The following RRH variants were observed in gnomAD, a reference collection of about 807,000 sequenced individuals.
RRH encodes the protein retinal pigment epithelium-derived rhodopsin homolog, also known as visual pigment-like receptor peropsin.
In RRH, 36 loss-of-function variants were observed where a neutral mutation model predicts 33.1. The ratio of observed to expected loss-of-function variants is 1.09; its 90% CI spans 0.83 to 1.44. RRH has a LOEUF of 1.44. RRH is among the 40% of genes most tolerant of loss of function. RRH has a pLI of 0.00. For synonymous variants in RRH, 124 were observed against 140.2 expected (o/e 0.88, Z 0.82); for missense variants, 393 against 420.2 (o/e 0.94, Z 0.57).
intron 1 of RRH, among the ~76,000 whole-genome samples, chr4:109,832,493 G>A (rs1352257045): frequency 1.9e-5 from 1 of 51,400 alleles, no homozygotes; most frequent in East Asian, 5.7e-4. Context: ...TTCTATTGGG[G>A]TAGTGTGTGT....
In RRH at chr4:109,833,273, A is replaced by G. The variant is rs746116634; in HGVS notation, c.241A>G (p.Met81Val). 2 of 1,614,118 alleles carry G rather than the reference A, an allele frequency of 1.2e-6. No homozygotes were observed. Among genetic ancestry groups the G allele is most frequent in the Non-Finnish European group, 8.5e-7 (1 of 1,179,982 alleles). Residue 81 changes from methionine (M) to valine (V), a missense_variant, in exon 2 of 7, where the codon ATG becomes GTG. Coordinates refer to ENST00000317735, the MANE Select transcript of RRH (RefSeq NM_006583.5). The part of the protein sequence containing the change: ...DIGVSSIGYP[M>V]SAASDLYGSW... ...AGGGGTCAGTAGCATTGGCTATCCC[A>G]TGTCTGCTGCCTCAGATCTGTATGG...
At chr4:109,842,734 C>T (rs1734009043) in intron 6 of RRH, 87 bp downstream of exon 6, 4 of 1,196,820 alleles carry the variant, frequency 3.3e-6, no homozygotes, top group African/African-American at 1.5e-5. Flanking sequence ...GTGACAGAAA[C>T]CCACTTCAAT....
rs1393300691 is a variant in RRH, at chr4:109,844,327, C to T, written c.*130C>T. ...TATGAGAGTGTAAGCTCCTCAAGCA[C>T]AGCTCGTGCTTCTGTTTGTGCACTC... On this transcript the variant is annotated 3_prime_UTR_variant, in exon 7 of 7. Transcript: ENST00000317735. 1 of 655,892 alleles carries T rather than the reference C, an allele frequency of 1.5e-6. No individual in the cohort carries two copies. The highest frequency in any genetic ancestry group is 2.8e-6 in the Non-Finnish European group (1 of 361,288). The allele number at this position is 655,892 out of a possible 1,614,324, so 40.6% of individuals were successfully genotyped here. A position where few individuals can be genotyped will look rare whatever the true frequency, so the allele number is the denominator to read the frequency against.
intron 1 of RRH, among the ~76,000 whole-genome samples, chr4:109,829,303 T>C (rs1293977979): frequency 6.6e-6 from 1 of 152,008 alleles, no homozygotes; most frequent in Non-Finnish European, 1.5e-5. Context: ...TGATAAGTAC[T>C]AGACAAGTTC....
Position 109,840,427 on chromosome 4 carries a change from C to T in RRH, c.721-2042C>T, listed in dbSNP as rs1220847324. Among the ~76,000 whole-genome samples the T allele has an allele frequency of 2.0e-5, 3 of 152,072 alleles. No individual in the cohort carries two copies. The East Asian group carries it at 5.8e-4, about 29-fold the overall frequency. On this transcript the variant is annotated intron_variant, in intron 5 of 6. Transcript: ENST00000317735. The stretch of plus-strand genomic sequence containing the variant: ...TCCCATTCTGTCGGTTGTCTGTTTA[C>T]TCTGTTTATAGTTTCTTTTGCTGTG...
intron 1 of RRH, among the ~76,000 whole-genome samples, chr4:109,830,799 T>C (rs1411011675): frequency 6.6e-6 from 1 of 152,054 alleles, no homozygotes; most frequent in African/African-American, 2.4e-5. Flanking sequence ...TGCACATATT[T>C]AATAAGACAT....
At chr4:109,834,972 C>G (rs1364799878) in intron 2 of RRH, among the ~76,000 whole-genome samples, 1 of 152,110 alleles carries the variant, frequency 6.6e-6, no homozygotes, top group Non-Finnish European at 1.5e-5. Context: ...TATAAACATT[C>G]AAATGCTAAT....
Position 109,837,518 on chromosome 4 carries a change from T to G in RRH, c.633T>G (p.His211Gln). 6.2e-7 allele frequency: 1 copy of G among 1,613,412 alleles called. No individual in the cohort carries two copies. The highest frequency in any genetic ancestry group is 8.5e-7 in the Non-Finnish European group (1 of 1,179,302). ...PLTVMFYCYY[H>Q]VTLSIKHHTT... Reference sequence around the variant, plus strand: ...CAGTGATGTTTTACTGCTATTACCATGTCACGCTATCCATTAAACATCACA... The same window carrying G: ...CAGTGATGTTTTACTGCTATTACCAGGTCACGCTATCCATTAAACATCACA... The change falls in exon 5 of 7, where the codon CAT (histidine) becomes CAG (glutamine). Residue 211 changes from histidine (H) to glutamine (Q), a missense_variant. Coordinates refer to ENST00000317735, the MANE Select transcript of RRH (RefSeq NM_006583.5).
At position 109,834,028 on chromosome 4, in the gene RRH, A is replaced by G. The variant is rs966958440; in HGVS notation, c.297+699A>G. Reference sequence around the variant, plus strand: ...TACAGATAATGATGAAGGCCACCGCATGCCATCTTCAATCTTATTCCTCCC... The same window carrying G: ...TACAGATAATGATGAAGGCCACCGCGTGCCATCTTCAATCTTATTCCTCCC... On this transcript the variant is annotated intron_variant, in intron 2 of 6. Transcript: ENST00000317735. Among the ~76,000 whole-genome samples, 7 of 152,314 alleles carry G rather than the reference A, an allele frequency of 4.6e-5. No individual in the cohort carries two copies. In the South Asian group the frequency reaches 1.4e-3, roughly 32 times the overall value.
In RRH at chr4:109,833,185, T is replaced by C; in HGVS notation, c.153T>C (p.Ile51=). ...ACATAATAGTTCTGGGCATCTTCAT[T>C]AAGTACAAGGAACTTCGGACACCCA... ...ISNIIVLGIF[I]KYKELRTPTN... The change falls in exon 2 of 7, where the codon ATT becomes ATC. Residue 51 remains isoleucine (I), a synonymous_variant. Coordinates refer to ENST00000317735, the MANE Select transcript of RRH (RefSeq NM_006583.5). 6.2e-7 allele frequency: 1 copy of C among 1,613,996 alleles called. No homozygotes were observed. Among genetic ancestry groups the C allele is most frequent in the Non-Finnish European group, 8.5e-7 (1 of 1,179,858 alleles).
intron 5 of RRH, among the ~76,000 whole-genome samples, chr4:109,842,184 C>G (rs1443741749): frequency 6.6e-6 from 1 of 152,080 alleles, no homozygotes; most frequent in Non-Finnish European, 1.5e-5. Flanking sequence ...TCTCCCCTAG[C>G]ACGCAGAAAG....
rs142494696 is a variant in RRH at position 109,835,456 on chromosome 4, C to G, written c.388C>G (p.Pro130Ala). The G allele has an allele frequency of 1.2e-5, 20 of 1,612,014 alleles. No individual in the cohort carries two copies. The highest frequency in any genetic ancestry group is 1.7e-5 in the Non-Finnish European group (20 of 1,178,248). The part of the protein sequence containing the change: ...AVDRYLTICL[P>A]DVGRRMTTNT... ...GGACCGATACCTGACCATCTGCCTT[C>G]CTGACGTAGGTACAACACTTTTCTC... Residue 130 changes from proline to alanine, a missense_variant, in exon 3 of 7, where the codon CCT (proline) becomes GCT (alanine). By Grantham distance (27) the Pro-to-Ala change is conservative. Transcript: ENST00000317735.
intron 5 of RRH, among the ~76,000 whole-genome samples, chr4:109,839,012 A>G (rs765222843): frequency 1.3e-5 from 2 of 150,608 alleles, no homozygotes; most frequent in Non-Finnish European, 2.9e-5. Flanking sequence ...AATTCCTTTT[A>G]TTTAGATATT....
intron 6 of RRH, 81 bp from the exon 7 acceptor site, chr4:109,844,002 G>A: frequency 2.3e-6 from 2 of 887,024 alleles, no homozygotes; most frequent in South Asian, 1.3e-5. Flanking sequence ...GGCAGTAGTG[G>A]CATCTTAGCC....
chr4:109,834,612 G>A (rs534898067), intron 2 of RRH, among the ~76,000 whole-genome samples: 1 of 151,270 alleles, frequency 6.6e-6, no homozygotes, highest in Admixed American at 6.6e-5. Flanking sequence ...CAAAGTGCTG[G>A]GATTACAGGC....
At chr4:109,830,950 CTG>C (rs1485338590) in intron 1 of RRH, among the ~76,000 whole-genome samples, 2 of 152,134 alleles carry the variant, frequency 1.3e-5, no homozygotes, top group Non-Finnish European at 2.9e-5. Context: ...TTTAGACTGA[CTG>C]TGAAATGGGA....
At chr4:109,844,049 G>A in intron 6 of RRH, 34 bp from the exon 7 acceptor site, 1 of 1,347,474 alleles carries the variant, frequency 7.4e-7, no homozygotes, top group Non-Finnish European at 1.1e-6. Flanking sequence ...AAATCATTAT[G>A]GGTTAATGCC....
At position 109,832,067 on chromosome 4, in the gene RRH, G is replaced by A. The variant is rs562615573; in HGVS notation, c.107-1072G>A. 3.3e-5 allele frequency among the ~76,000 whole-genome samples: 5 copies of A among 151,232 alleles called. No individual in the cohort carries two copies. In the South Asian group the frequency reaches 1.1e-3, roughly 32 times the overall value. On this transcript the variant is annotated intron_variant, in intron 1 of 6. Transcript: ENST00000317735. The stretch of plus-strand genomic sequence containing the variant: ...ACCAAGTAATTCTTTTCTTGATGGG[G>A]AACTCAACTCTATTCCTGCTTGTTG...
chr4:109,832,804 C>T (rs1733786273), intron 1 of RRH, among the ~76,000 whole-genome samples: 1 of 152,028 alleles, frequency 6.6e-6, no homozygotes, highest in East Asian at 1.9e-4. Context: ...AGGGCATGGT[C>T]AGTCATATAT....
Sources: gnomAD v4.1 joint callset for allele counts (sites outside exome capture counted in the v4.1 genomes callset) on GRCh38, gnomAD v4.1.1 for gene constraint, MANE v1.5 for transcripts, NCBI Gene and HGNC (gene_info 2026-07-23, HGNC 2026-07-21) for gene names.